Variants in SKAP2 observed in about 807,000 individuals in gnomAD.
SKAP2 encodes the protein src kinase-associated phosphoprotein 2.
SKAP2 carries 28 observed loss-of-function variants against 54.9 expected under a neutral mutation model. The observed-to-expected ratio is 0.51, with a 90% CI of 0.38 to 0.70. The LOEUF is 0.70. SKAP2 is among the 30% of genes least tolerant of loss of function. The pLI is 0.00. For missense variants in SKAP2, 356 were observed against 424.1 expected (o/e 0.84, Z 1.41); for synonymous variants, 137 against 134.3 (o/e 1.02, Z -0.14).
intron 1 of SKAP2, among the ~76,000 whole-genome samples, chr7:26,861,333 C>G (rs1785267182): frequency 6.6e-6 from 1 of 151,918 alleles, no homozygotes; most frequent in Non-Finnish European, 1.5e-5. Flanking sequence ...TGGGATTGTC[C>G]TTTGATTTCA....
At chr7:26,781,301 T>G (rs981600457) in intron 4 of SKAP2, among the ~76,000 whole-genome samples, 1 of 151,502 alleles carries the variant, frequency 6.6e-6, no homozygotes, top group African/African-American at 2.4e-5. Context: ...TTTTGTGGGG[T>G]TTTTCCCTAT....
intron 9 of SKAP2, among the ~76,000 whole-genome samples, chr7:26,694,427 C>A (rs746483573): frequency 6.6e-6 from 1 of 151,540 alleles, no homozygotes; most frequent in African/African-American, 2.4e-5. Flanking sequence ...AGTTATTATT[C>A]CAATCACACA....
Position 26,844,070 on chromosome 7 carries a change from G to A in SKAP2, c.267C>T (p.Ala89=). The change falls in exon 4 of 13, where the codon GCC becomes GCT. Residue 89 remains alanine, a synonymous_variant. Coordinates refer to ENST00000345317, the MANE Select transcript of SKAP2 (RefSeq NM_003930.5). The stretch of plus-strand genomic sequence containing the variant: ...CATCGTCTTTATCATATCGTTCTGA[G>A]GCTAATGAAATAGTGTCTGGAGGCC... ...FAGPPDTISL[A]SERYDKDDEA... The A allele has an allele frequency of 1.2e-6, 2 of 1,612,264 alleles. No homozygotes were observed. The highest frequency in any genetic ancestry group is 1.7e-6 in the Non-Finnish European group (2 of 1,178,806).
At chr7:26,762,466 T>C (rs73061894) in intron 4 of SKAP2, among the ~76,000 whole-genome samples, 27,750 of 152,092 alleles carry the variant, frequency 0.18, 3,170 homozygotes, top group Non-Finnish European at 0.25. Flanking sequence ...TGTATGCATA[T>C]GTACATGTAT....
chr7:26,727,252 T>C (rs1176611535), intron 6 of SKAP2, among the ~76,000 whole-genome samples: 1 of 152,064 alleles, frequency 6.6e-6, no homozygotes, highest in East Asian at 1.9e-4. Flanking sequence ...TATGGAAACA[T>C]GACACTCTAG....
chr7:26,677,313 A>G (rs1213909389), intron 11 of SKAP2, among the ~76,000 whole-genome samples: 1 of 151,154 alleles, frequency 6.6e-6, no homozygotes, highest in Non-Finnish European at 1.5e-5. Flanking sequence ...AAATGCTTGA[A>G]CCCGGGAGGC....
In SKAP2 at chr7:26,851,039, C is replaced by CA. The variant is rs1785028595; in HGVS notation, c.199+3097dup. Among the ~76,000 whole-genome samples the CA allele has an allele frequency of 2.0e-5, 3 of 151,620 alleles. No individual in the cohort carries two copies. In the South Asian group the frequency reaches 6.2e-4, roughly 32 times the overall value. ...TCTACCAGTGTAAACTATTCTCACCCAAAAAAATGGAAATACCAAAAAAAT... is the reference window on the plus strand; with the variant it reads ...TCTACCAGTGTAAACTATTCTCACCCAAAAAAAATGGAAATACCAAAAAAAT... On this transcript the variant is annotated intron_variant, in intron 3 of 12. Coordinates refer to ENST00000345317, the MANE Select transcript of SKAP2 (RefSeq NM_003930.5).
intron 4 of SKAP2, among the ~76,000 whole-genome samples, chr7:26,826,012 G>C (rs1405293259): frequency 6.6e-6 from 1 of 152,012 alleles, no homozygotes; most frequent in African/African-American, 2.4e-5. Flanking sequence ...TTCCTTTGGA[G>C]AATGGTACCT....
At chr7:26,697,636 T>C (rs1786923819) in intron 9 of SKAP2, among the ~76,000 whole-genome samples, 2 of 151,224 alleles carry the variant, frequency 1.3e-5, no homozygotes, top group African/African-American at 4.9e-5. Flanking sequence ...TCTGATACAA[T>C]TACAGCTCAT....
chr7:26,752,238 A>C (rs1290119369), intron 4 of SKAP2, among the ~76,000 whole-genome samples: 1 of 152,168 alleles, frequency 6.6e-6, no homozygotes, highest in Non-Finnish European at 1.5e-5. Context: ...AGATAAATAC[A>C]TATCATTGTT....
intron 6 of SKAP2, 65 bp from the exon 7 acceptor site, chr7:26,727,071 T>A: frequency 7.6e-7 from 1 of 1,309,502 alleles, no homozygotes; most frequent in Non-Finnish European, 1.0e-6. Flanking sequence ...ATCTTTTATG[T>A]AAAATTTCTT....
At chr7:26,761,689 A>G (rs1782933245) in intron 4 of SKAP2, among the ~76,000 whole-genome samples, 1 of 152,174 alleles carries the variant, frequency 6.6e-6, no homozygotes, top group African/African-American at 2.4e-5. Flanking sequence ...GCCTGAGCTC[A>G]GGCGTTTGAG....
intron 4 of SKAP2, among the ~76,000 whole-genome samples, chr7:26,782,359 G>A (rs989557539): frequency 4.6e-5 from 7 of 152,090 alleles, no homozygotes; most frequent in African/African-American, 9.7e-5. Context: ...TATTATCTTA[G>A]GCATCTTGTG....
intron 9 of SKAP2, among the ~76,000 whole-genome samples, chr7:26,714,995 G>A (rs1354689628): frequency 6.6e-6 from 1 of 151,992 alleles, no homozygotes; most frequent in Admixed American, 6.6e-5. Context: ...TTTCTTGGTG[G>A]CAAAGGATAA....
At chr7:26,807,408 T>C (rs897227654) in intron 4 of SKAP2, among the ~76,000 whole-genome samples, 49 of 152,186 alleles carry the variant, frequency 3.2e-4, no homozygotes, top group African/African-American at 1.2e-3. Context: ...GATCTGATAG[T>C]TTAAAAGTGT....
intron 1 of SKAP2, among the ~76,000 whole-genome samples, chr7:26,862,106 T>C (rs1785283760): frequency 6.6e-6 from 1 of 151,948 alleles, no homozygotes; most frequent in Admixed American, 6.5e-5. Context: ...CAAACCAATA[T>C]AAATACTTCT....
In SKAP2 at chr7:26,750,875, T is replaced by C. The variant is rs186604055; in HGVS notation, c.308-10911A>G. Among the ~76,000 whole-genome samples the C allele has an allele frequency of 1.7e-3, 256 of 152,330 alleles. 2 individuals are homozygous for C. Among genetic ancestry groups the C allele is most frequent in the Non-Finnish European group, 2.3e-3 (158 of 68,026 alleles). On this transcript the variant is annotated intron_variant, in intron 4 of 12. Coordinates refer to ENST00000345317, the MANE Select transcript of SKAP2 (RefSeq NM_003930.5). ...ATTCTTTAGCTTCTTTCCACTCAACTATGCTTTATCTTTACATAGGCCATA... is the reference window on the plus strand; with the variant it reads ...ATTCTTTAGCTTCTTTCCACTCAACCATGCTTTATCTTTACATAGGCCATA...
intron 9 of SKAP2, among the ~76,000 whole-genome samples, chr7:26,695,083 GC>G (rs755009908): frequency 1.2e-4 from 18 of 151,974 alleles, no homozygotes; most frequent in Non-Finnish European, 2.2e-4. Flanking sequence ...TCACATCAAG[GC>G]CGAGGACTGA....
At chr7:26,734,108 G>T (rs991336663) in intron 6 of SKAP2, among the ~76,000 whole-genome samples, 2 of 152,194 alleles carry the variant, frequency 1.3e-5, no homozygotes, top group Non-Finnish European at 2.9e-5. Flanking sequence ...TGTAGAAAAA[G>T]CATAACTTTG....
Sources: allele counts gnomAD v4.1 joint callset (sites outside exome capture counted in the v4.1 genomes callset), GRCh38; gene constraint gnomAD v4.1.1; transcripts MANE v1.5; gene names NCBI Gene and HGNC (gene_info 2026-07-23, HGNC 2026-07-21).